TXLNB: variants seen among roughly 807,000 people sequenced by gnomAD.
TXLNB encodes the protein beta-taxilin.
TXLNB carries 37 observed loss-of-function variants against 57.4 expected under a neutral mutation model. The observed-to-expected ratio is 0.64, with a 90% CI of 0.50 to 0.85. The LOEUF (loss-of-function observed/expected upper bound fraction) is 0.85, where lower values mean the gene tolerates loss of function less well. Among genes scored for constraint, TXLNB ranks in the 40% least tolerant of loss-of-function variants. The probability of loss-of-function intolerance (pLI) is 0.00; values close to 1 mark genes in which losing one functional copy is unlikely to be tolerated. For synonymous variants in TXLNB, 302 were observed against 309.6 expected (o/e 0.98, Z 0.26); for missense variants, 848 against 825.6 (o/e 1.03, Z -0.33).
intron 3 of TXLNB, among the ~76,000 whole-genome samples, chr6:139,273,526 A>G (rs1776820369): frequency 6.6e-6 from 1 of 152,242 alleles, no homozygotes; most frequent in African/African-American, 2.4e-5. Context: ...CAGTGGCACA[A>G]TCATTCATAG....
intron 2 of TXLNB, among the ~76,000 whole-genome samples, chr6:139,287,842 A>C (rs1777211484): frequency 6.6e-6 from 1 of 151,600 alleles, no homozygotes; most frequent in South Asian, 2.1e-4. Context: ...CCGTTTTTGC[A>C]CTTCTCCTAT....
chr6:139,179,310 T>C, the TXLNB span: 2 of 152,218 alleles, frequency 1.3e-5, no homozygotes, highest in Non-Finnish European at 2.9e-5. Context: ...TAAAATTTTA[T>C]AGTGAAACCT....
At position 139,240,806 on chromosome 6, in the gene TXLNB, A is replaced by G. The variant is rs999750934; in HGVS notation, c.*1720T>C. The G allele has an allele frequency of 5.9e-5, 9 of 152,476 alleles. No individual in the cohort carries two copies. Among genetic ancestry groups the G allele is most frequent in the Admixed American group, 5.9e-4 (9 of 15,296 alleles). 9.4% of individuals were successfully genotyped at this position (152,476 alleles called of 1,614,324 possible). A position where few individuals can be genotyped will look rare whatever the true frequency, so the allele number is the denominator to read the frequency against. On this transcript the variant is annotated 3_prime_UTR_variant, in exon 10 of 10. Coordinates refer to ENST00000358430, the MANE Select transcript of TXLNB (RefSeq NM_153235.4). ...GTATGCAGTTTACAATTCTTGTAGC[A>G]TATGGTTGCTGCCTACAAGCACTTT...
At chr6:139,277,742 T>C (rs1437570469) in intron 2 of TXLNB, among the ~76,000 whole-genome samples, 2 of 152,176 alleles carry the variant, frequency 1.3e-5, no homozygotes, top group Non-Finnish European at 2.9e-5. Flanking sequence ...ATTAACCCTG[T>C]TAAATAATCA....
the TXLNB span, among the ~76,000 whole-genome samples, chr6:139,319,776 A>G: frequency 1.3e-5 from 2 of 152,186 alleles, no homozygotes; most frequent in African/African-American, 4.8e-5. Flanking sequence ...AAAAAAATAA[A>G]TAAGTAAAAG....
the TXLNB span, among the ~76,000 whole-genome samples, chr6:139,303,755 A>C: frequency 1.3e-5 from 2 of 151,678 alleles, no homozygotes; most frequent in Non-Finnish European, 2.9e-5. Flanking sequence ...TAGAAATATT[A>C]ACATAAATAT....
intron 2 of TXLNB, among the ~76,000 whole-genome samples, chr6:139,279,769 T>G (rs1205689807): frequency 2.0e-5 from 3 of 152,222 alleles, no homozygotes; most frequent in Non-Finnish European, 4.4e-5. Context: ...GCCTTCTCCC[T>G]AATGTGTTCT....
chr6:139,281,058 T>A (rs11155048), intron 2 of TXLNB, among the ~76,000 whole-genome samples: 14,672 of 149,870 alleles, frequency 0.098, 841 homozygotes, highest in African/African-American at 0.16. Context: ...TTATTTATTT[T>A]TTTATTTTTT....
intron 6 of TXLNB, among the ~76,000 whole-genome samples, chr6:139,258,767 A>G (rs1383195819): frequency 1.3e-5 from 2 of 152,174 alleles, no homozygotes; most frequent in Admixed American, 1.3e-4. Context: ...CATACCTCTG[A>G]AACACACGTC....
At chr6:139,202,349 C>T in the TXLNB span, among the ~76,000 whole-genome samples, 6 of 109,614 alleles carry the variant, frequency 5.5e-5, no homozygotes, top group South Asian at 1.4e-3. Flanking sequence ...ATCATTTGGT[C>T]TCTTTTATAT....
intron 5 of TXLNB, among the ~76,000 whole-genome samples, chr6:139,260,931 C>T (rs530984681): frequency 6.6e-6 from 1 of 152,272 alleles, no homozygotes; most frequent in Admixed American, 6.5e-5. Context: ...CTTGGGGTGC[C>T]AGCATGTGGT....
In TXLNB at chr6:139,242,916, G is replaced by A. The variant is rs920136233; in HGVS notation, c.1665C>T (p.Pro555=). 8.1e-6 allele frequency: 13 copies of A among 1,614,030 alleles called. No individual in the cohort carries two copies. The highest frequency in any genetic ancestry group is 5.3e-5 in the African/African-American group (4 of 74,920). ...CAGCCTGAGGAGTTAGGGGAGGCAG[G>A]GGACTCTCTGAATCCCGTGAAGGGA... ...PLIPSRDSES[P]LPPLTPQAEA... Residue 555 remains proline, a synonymous_variant, in exon 10 of 10, where the codon CCC becomes CCT. Transcript: ENST00000358430.
chr6:139,296,609 G>A (rs989468627), upstream of TXLNB, among the ~76,000 whole-genome samples: 1 of 151,968 alleles, frequency 6.6e-6, no homozygotes, highest in African/African-American at 2.4e-5. Flanking sequence ...GCTCACCCTT[G>A]TCCTCCTCTG....
chr6:139,160,472 C>T, the TXLNB span, among the ~76,000 whole-genome samples: 1 of 152,206 alleles, frequency 6.6e-6, no homozygotes, highest in Non-Finnish European at 1.5e-5. Flanking sequence ...CAAGGTTTCA[C>T]TCATTGCCGA....
chr6:139,164,320 G>A, the TXLNB span, among the ~76,000 whole-genome samples: 9 of 151,984 alleles, frequency 5.9e-5, no homozygotes, highest in Non-Finnish European at 1.0e-4. Flanking sequence ...TCCCAATTGG[G>A]AGAGTAGTAT....
At chr6:139,167,062 C>T in the TXLNB span, 42 of 1,614,060 alleles carry the variant, frequency 2.6e-5, no homozygotes, top group African/African-American at 4.4e-4. Flanking sequence ...TGGACCTCTC[C>T]GAACTCCTCA....
At chr6:139,203,593 GT>G in the TXLNB span, 1 of 151,958 alleles carries the variant, frequency 6.6e-6, no homozygotes, top group Non-Finnish European at 1.5e-5. Flanking sequence ...ATGCTTTTTA[GT>G]TTTTCTCTAC....
At chr6:139,258,750 G>A (rs62441199) in intron 6 of TXLNB, among the ~76,000 whole-genome samples, 3,963 of 152,204 alleles carry the variant, frequency 0.026, 76 homozygotes, top group Admixed American at 0.048. Context: ...AGATACATGC[G>A]TCAACTCATA....
intron 1 of TXLNB, among the ~76,000 whole-genome samples, chr6:139,289,459 G>A (rs373348440): frequency 2.0e-5 from 3 of 152,132 alleles, no homozygotes; most frequent in South Asian, 2.1e-4. Context: ...TGACGCTCCC[G>A]GCCGATTAAA....
Sources: allele counts gnomAD v4.1 joint callset (sites outside exome capture counted in the v4.1 genomes callset), GRCh38; gene constraint gnomAD v4.1.1; transcripts MANE v1.5; gene names NCBI Gene and HGNC (gene_info 2026-07-23, HGNC 2026-07-21).